RGS6: variants seen among roughly 807,000 people sequenced by gnomAD.
The protein encoded by RGS6 is regulator of G protein signaling 6.
Under a neutral mutation model 78.5 loss-of-function variants are expected in RGS6, and 30 were observed. That is an observed-to-expected ratio of 0.38 (90% CI 0.29 to 0.52). RGS6 has a LOEUF of 0.52. Ranked by LOEUF, RGS6 falls within the 20% of genes least tolerant of loss-of-function variation. The probability of loss-of-function intolerance (pLI) is 0.85; values close to 1 mark genes in which losing one functional copy is unlikely to be tolerated. For synonymous variants in RGS6, 206 were observed against 206.0 expected, an observed-to-expected ratio of 1.00 and a Z score of 0.00; for missense variants, 495 against 609.7, an observed-to-expected ratio of 0.81 and a Z score of 1.98.
At chr14:72,588,120 GAC>G in the RGS6 span, among the ~76,000 whole-genome samples, 1 of 152,110 alleles carries the variant, frequency 6.6e-6, no homozygotes, top group African/African-American at 2.4e-5. Context: ...ATAGATAAAA[GAC>G]ACTACCTAGG....
chr14:72,411,045 A>G (rs890603614), intron 3 of RGS6, among the ~76,000 whole-genome samples: 1 of 152,090 alleles, frequency 6.6e-6, no homozygotes, highest in South Asian at 2.1e-4. Flanking sequence ...TTGACTTGGT[A>G]ATGCGGGCTC....
chr14:72,331,605 C>T (rs2075059706), intron 2 of RGS6, among the ~76,000 whole-genome samples: 1 of 152,064 alleles, frequency 6.6e-6, no homozygotes, highest in Non-Finnish European at 1.5e-5. Flanking sequence ...GGGTACTGTC[C>T]TTGTGTCATC....
chr14:71,967,815 T>C (rs2093611096), intron 2 of RGS6, among the ~76,000 whole-genome samples: 1 of 152,224 alleles, frequency 6.6e-6, no homozygotes, highest in African/African-American at 2.4e-5. Flanking sequence ...CATAATGTTG[T>C]TGTGACTTTT....
intron 2 of RGS6, among the ~76,000 whole-genome samples, chr14:72,186,270 T>A (rs1401666593): frequency 6.6e-6 from 1 of 152,224 alleles, no homozygotes; most frequent in Admixed American, 6.5e-5. Context: ...TATCCTGACC[T>A]ATGTTATTTC....
chr14:72,280,179 A>AT (rs111865274), intron 2 of RGS6, among the ~76,000 whole-genome samples: 8,019 of 146,198 alleles, frequency 0.055, 561 homozygotes, highest in African/African-American at 0.17. Flanking sequence ...AAGAGGTCTT[A>AT]TTTTTTTTTT....
chr14:72,570,938 C>T (rs2097719497), downstream of RGS6, among the ~76,000 whole-genome samples: 1 of 152,204 alleles, frequency 6.6e-6, no homozygotes, highest in East Asian at 1.9e-4. Flanking sequence ...AGTCTTTAGA[C>T]ATGACCTTGA....
chr14:72,492,074 G>A (rs1425303892), intron 12 of RGS6, among the ~76,000 whole-genome samples: 1 of 152,210 alleles, frequency 6.6e-6, no homozygotes, highest in Non-Finnish European at 1.5e-5. Context: ...GCACTGAACT[G>A]TGGGGCCTGT....
At chr14:72,627,712 C>T in the RGS6 span, among the ~76,000 whole-genome samples, 2 of 152,148 alleles carry the variant, frequency 1.3e-5, no homozygotes, top group Admixed American at 1.3e-4. Flanking sequence ...TTTATTGGAC[C>T]TGAGATAAAT....
At chr14:72,275,485 C>T (rs987733287) in intron 2 of RGS6, among the ~76,000 whole-genome samples, 1 of 152,172 alleles carries the variant, frequency 6.6e-6, no homozygotes, top group Non-Finnish European at 1.5e-5. Flanking sequence ...GTAGGGGGAA[C>T]TGAAATCCAG....
the RGS6 span, among the ~76,000 whole-genome samples, chr14:72,615,594 T>G: frequency 1.3e-5 from 2 of 152,152 alleles, no homozygotes; most frequent in African/African-American, 2.4e-5. Flanking sequence ...GAATCTGGCC[T>G]CCTTCCCTCC....
intron 1 of RGS6, among the ~76,000 whole-genome samples, chr14:71,955,815 C>T (rs2092743753): frequency 7.9e-6 from 1 of 127,320 alleles, no homozygotes; most frequent in Non-Finnish European, 1.7e-5. Flanking sequence ...GAATGCAGCC[C>T]AGTAGGTCTC....
the RGS6 span, among the ~76,000 whole-genome samples, chr14:72,607,326 C>T: frequency 1.3e-5 from 2 of 152,234 alleles, no homozygotes; most frequent in Non-Finnish European, 2.9e-5. Context: ...AAGGTGCCAG[C>T]AGATTCGGTG....
intron 2 of RGS6, among the ~76,000 whole-genome samples, chr14:72,218,027 A>G (rs2045987692): frequency 6.6e-6 from 1 of 152,200 alleles, no homozygotes. Context: ...AAGTTGAAAA[A>G]AACTTTGAAG....
the RGS6 span, among the ~76,000 whole-genome samples, chr14:72,603,063 C>T: frequency 6.6e-6 from 1 of 152,302 alleles, no homozygotes; most frequent in Non-Finnish European, 1.5e-5. Context: ...TCTGTGAATG[C>T]CTGTTTAGGG....
At chr14:72,441,064 G>A (rs961520562) in intron 3 of RGS6, among the ~76,000 whole-genome samples, 15 of 152,178 alleles carry the variant, frequency 9.9e-5, no homozygotes, top group Non-Finnish European at 1.8e-4. Flanking sequence ...GTGCAGGTAT[G>A]TATGACTGTG....
intron 3 of RGS6, among the ~76,000 whole-genome samples, chr14:72,396,160 G>A (rs561974724): frequency 4.6e-5 from 7 of 152,316 alleles, no homozygotes; most frequent in Admixed American, 6.5e-5. Context: ...CAGTGTAAAA[G>A]CATTCCTATT....
At chr14:72,246,665 T>A (rs2054287333) in intron 2 of RGS6, among the ~76,000 whole-genome samples, 2 of 152,192 alleles carry the variant, frequency 1.3e-5, no homozygotes, top group South Asian at 4.1e-4. Context: ...ATCCCAGCAC[T>A]TTGAGAGGCC....
At chr14:72,149,363 G>T (rs1422419577) in intron 2 of RGS6, among the ~76,000 whole-genome samples, 1 of 152,166 alleles carries the variant, frequency 6.6e-6, no homozygotes, top group African/African-American at 2.4e-5. Flanking sequence ...TCAATGGGGG[G>T]AGTGTTGAAG....
chr14:72,121,692 A>G (rs1255708855), intron 2 of RGS6, among the ~76,000 whole-genome samples: 1 of 151,826 alleles, frequency 6.6e-6, no homozygotes, highest in Non-Finnish European at 1.5e-5. Context: ...TGCTCATTTA[A>G]CCTCTTCTGT....
Sources: gnomAD v4.1 joint callset for allele counts (sites outside exome capture counted in the v4.1 genomes callset) on GRCh38, gnomAD v4.1.1 for gene constraint, MANE v1.5 for transcripts, NCBI Gene and HGNC (gene_info 2026-07-23, HGNC 2026-07-21) for gene names.